Variants in HSPBAP1 observed in about 807,000 individuals in gnomAD.
The protein encoded by HSPBAP1 is HSPB1-associated protein 1.
In HSPBAP1, 27 loss-of-function variants were observed where a neutral mutation model predicts 45.2. The observed-to-expected ratio is 0.60, with a 90% CI of 0.44 to 0.82. The LOEUF (loss-of-function observed/expected upper bound fraction) is 0.82. Among genes scored for constraint, HSPBAP1 ranks in the 40% least tolerant of loss-of-function variants. The probability of loss-of-function intolerance (pLI) is 0.00; values close to 1 mark genes in which losing one functional copy is unlikely to be tolerated. For missense variants in HSPBAP1, 510 were observed against 590.9 expected (o/e 0.86, Z 1.42); for synonymous variants, 204 against 202.7 (o/e 1.01, Z -0.06).
chr3:122,743,626 C>A (rs983000725), intron 6 of HSPBAP1, among the ~76,000 whole-genome samples: 9 of 151,864 alleles, frequency 5.9e-5, no homozygotes, highest in African/African-American at 1.9e-4. Flanking sequence ...TGGGTATACA[C>A]CTAGGAATGG....
At chr3:122,743,392 C>A (rs1324733495) in intron 6 of HSPBAP1, among the ~76,000 whole-genome samples, 2 of 152,114 alleles carry the variant, frequency 1.3e-5, no homozygotes, top group African/African-American at 4.8e-5. Flanking sequence ...CTTGGAGAAA[C>A]CCCGTCTCTA....
intron 5 of HSPBAP1, chr3:122,754,793 A>G: frequency 1.0e-6 from 1 of 986,186 alleles, no homozygotes; most frequent in Non-Finnish European, 1.2e-6. Context: ...AACAACATCC[A>G]TTTTTGCTTA....
Position 122,740,768 on chromosome 3 carries a change from T to A in HSPBAP1, c.1044A>T (p.Arg348Ser), listed in dbSNP as rs150906823. ...CCTTTTTCATGTGCTCTCCATCTGT[T>A]CTCAGTGCTTGGATTTCTACTACCT... ...TSEVVEIQAL[R>S]TDGEHMKKEE... The change falls in exon 8 of 8, where the codon AGA becomes AGT. Residue 348 changes from arginine to serine, a missense_variant. Transcript: ENST00000306103. 569 of 1,614,130 alleles carry A rather than the reference T, an allele frequency of 3.5e-4. No homozygotes were observed. Among genetic ancestry groups the A allele is most frequent in the Non-Finnish European group, 4.5e-4 (534 of 1,180,038 alleles).
intron 6 of HSPBAP1, among the ~76,000 whole-genome samples, chr3:122,742,964 T>G (rs1207582392): frequency 1.3e-5 from 2 of 152,232 alleles, no homozygotes; most frequent in Admixed American, 6.5e-5. Flanking sequence ...AAGATATCTA[T>G]CTACGTATAT....
chr3:122,780,678 C>T (rs1240346733), intron 1 of HSPBAP1, among the ~76,000 whole-genome samples: 7 of 149,184 alleles, frequency 4.7e-5, no homozygotes, highest in African/African-American at 1.7e-4. Context: ...CCCTCCCGGA[C>T]GGGGTGGCTG....
At chr3:122,780,358 C>A (rs1403474909) in intron 1 of HSPBAP1, among the ~76,000 whole-genome samples, 1 of 109,924 alleles carries the variant, frequency 9.1e-6, no homozygotes, top group Non-Finnish European at 1.9e-5. Context: ...CCCTCCCGGA[C>A]GGGGCGGCTG....
intron 1 of HSPBAP1, 127 bp from the exon 2 acceptor site, chr3:122,778,033 C>T (rs1189577518): frequency 6.1e-6 from 4 of 656,558 alleles, no homozygotes; most frequent in Admixed American, 2.9e-5. Flanking sequence ...ATAATGTATA[C>T]GTCATTTACT....
intron 1 of HSPBAP1, among the ~76,000 whole-genome samples, chr3:122,791,144 G>C (rs569411304): frequency 3.3e-4 from 50 of 152,174 alleles, no homozygotes; most frequent in Non-Finnish European, 6.5e-4. Context: ...GAGGCTCAAA[G>C]GGATTAAGTA....
chr3:122,790,029 A>G (rs993827613), intron 1 of HSPBAP1, among the ~76,000 whole-genome samples: 1 of 151,642 alleles, frequency 6.6e-6, no homozygotes, highest in Non-Finnish European at 1.5e-5. Context: ...TGCCCAGTTT[A>G]TTTTCGTATT....
At chr3:122,752,852 T>C (rs1934207659) in intron 5 of HSPBAP1, 178 bp from the exon 6 acceptor site, 1 of 1,361,998 alleles carries the variant, frequency 7.3e-7, no homozygotes. Flanking sequence ...CTTTTATTCC[T>C]TTTTTATTGA....
intron 6 of HSPBAP1, among the ~76,000 whole-genome samples, chr3:122,746,028 G>C (rs115527244): frequency 0.032 from 4,920 of 152,256 alleles, 111 homozygotes; most frequent in Middle Eastern, 0.071. Context: ...GATTACAATC[G>C]GGTTTGGTAA....
At chr3:122,784,198 C>A (rs1935581725) in intron 1 of HSPBAP1, among the ~76,000 whole-genome samples, 1 of 152,066 alleles carries the variant, frequency 6.6e-6, no homozygotes, top group Non-Finnish European at 1.5e-5. Flanking sequence ...ATATTTTGAT[C>A]CCTACACTAT....
intron 5 of HSPBAP1, chr3:122,753,661 G>A: frequency 1.0e-6 from 1 of 985,228 alleles, no homozygotes; most frequent in Non-Finnish European, 1.2e-6. Context: ...TTCACATTAG[G>A]AAACTACTGG....
At chr3:122,741,173 T>C in intron 6 of HSPBAP1, 60 bp from the exon 7 acceptor site, 1 of 1,203,218 alleles carries the variant, frequency 8.3e-7, no homozygotes, top group Non-Finnish European at 1.2e-6. Context: ...TAAGAGATAA[T>C]AAAGTCTGTT....
intron 1 of HSPBAP1, among the ~76,000 whole-genome samples, chr3:122,784,260 T>C (rs1276961374): frequency 1.3e-5 from 2 of 152,226 alleles, no homozygotes; most frequent in East Asian, 3.8e-4. Flanking sequence ...TCATGGGATA[T>C]AAATTGGAAT....
intron 6 of HSPBAP1, among the ~76,000 whole-genome samples, chr3:122,742,106 T>C (rs1933691304): frequency 6.6e-6 from 1 of 151,226 alleles, no homozygotes; most frequent in Admixed American, 6.6e-5. Flanking sequence ...AATTGAACAC[T>C]GAATCATCCA....
intron 5 of HSPBAP1, chr3:122,753,819 C>A (rs1452192441): frequency 1.0e-6 from 1 of 985,060 alleles, no homozygotes; most frequent in East Asian, 1.1e-4. Context: ...ACAGAAAGAG[C>A]TGGGTTTGAG....
At chr3:122,777,988 GT>G in intron 1 of HSPBAP1, 82 bp from the exon 2 acceptor site, 1 of 876,790 alleles carries the variant, frequency 1.1e-6, no homozygotes, top group Non-Finnish European at 1.8e-6. Flanking sequence ...AGCTAATATT[GT>G]TTTTATCATG....
intron 1 of HSPBAP1, among the ~76,000 whole-genome samples, chr3:122,780,887 C>T (rs1321184964): frequency 2.0e-5 from 2 of 98,492 alleles, no homozygotes; most frequent in Admixed American, 1.8e-4. Context: ...GGGTCGCGGC[C>T]GGGCAGAGGC....
Sources: gnomAD v4.1 joint callset for allele counts (sites outside exome capture counted in the v4.1 genomes callset) on GRCh38, gnomAD v4.1.1 for gene constraint, MANE v1.5 for transcripts, NCBI Gene and HGNC (gene_info 2026-07-23, HGNC 2026-07-21) for gene names.